SRCIN1: variants seen among roughly 807,000 people sequenced by gnomAD.
SRCIN1 encodes the protein P130Cas-associated protein.
Under a neutral mutation model 116.2 loss-of-function variants are expected in SRCIN1, and 50 were observed. The observed-to-expected ratio is 0.43, with a 90% CI of 0.34 to 0.54. The LOEUF is 0.54. Among genes scored for constraint, SRCIN1 ranks in the 20% least tolerant of loss-of-function variants. The pLI, the probability that SRCIN1 is intolerant of heterozygous loss-of-function variation, is 0.02. For missense variants in SRCIN1, 1,446 were observed against 1,672.0 expected, an observed-to-expected ratio of 0.86 and a Z score of 2.36; for synonymous variants, 736 against 750.0, an observed-to-expected ratio of 0.98 and a Z score of 0.30.
chr17:38,537,540 C>T (rs1404106144), intron 18 of SRCIN1, among the ~76,000 whole-genome samples: 2 of 152,018 alleles, frequency 1.3e-5, no homozygotes, highest in Admixed American at 1.3e-4. Context: ...GCCTGTAATC[C>T]CAGCACTTTG....
In SRCIN1 at chr17:38,563,204, G is replaced by A. The variant is rs12941350; in HGVS notation, c.740+119C>T. 0.07 allele frequency: 81,553 copies of A among 1,162,830 alleles called. 3,193 individuals are homozygous for A. Among genetic ancestry groups the A allele is most frequent in the Middle Eastern group, 0.1 (370 of 3,548 alleles). The allele number at this position is 1,162,830 out of a possible 1,614,324, so 72.0% of individuals were successfully genotyped here. A position where few individuals can be genotyped will look rare whatever the true frequency, so the allele number is the denominator to read the frequency against. On this transcript the variant is annotated intron_variant, in intron 5 of 18. Transcript: ENST00000617146. The surrounding 1 kb of genome is among the most constrained non-coding windows in gnomAD (Gnocchi z 5.8). ...GGGCGGGGCGGTAGGGCTCTGGGAGGGGAGGGGAAAGGCTGAGGTCGGGTC... is the reference window on the plus strand; with the variant it reads ...GGGCGGGGCGGTAGGGCTCTGGGAGAGGAGGGGAAAGGCTGAGGTCGGGTC...
chr17:38,600,071 C>T (rs545356276), intron 1 of SRCIN1, among the ~76,000 whole-genome samples: 1 of 152,312 alleles, frequency 6.6e-6, no homozygotes, highest in South Asian at 2.1e-4. Context: ...CTTCACAATT[C>T]CAGGATCAGA....
Position 38,543,959 on chromosome 17 carries a change from C to A in SRCIN1, c.3281G>T (p.Gly1094Val). The part of the protein sequence containing the change: ...RIIAELESGG[G>V]SVPPMKVVTP... ...CACCACCTTCATGGGTGGTACACTG[C>A]CTCCGCCACTCTGCAGGAAGAGGAA... Residue 1094 changes from glycine to valine, a missense_variant, in exon 18 of 19, where the codon GGC becomes GTC. Around this residue, in one of 5 missense-constraint regions of SRCIN1, gnomAD observed 531 missense variants for 633.9 expected, o/e 0.84. Coordinates refer to ENST00000617146, the MANE Select transcript of SRCIN1 (RefSeq NM_025248.3). 1 of 1,582,032 alleles carries A rather than the reference C, an allele frequency of 6.3e-7. No individual in the cohort carries two copies. The highest frequency in any genetic ancestry group is 1.1e-5 in the South Asian group (1 of 88,438).
At chr17:38,560,232 C>G (rs1204719772) in intron 8 of SRCIN1, 101 bp downstream of exon 8, 2 of 1,419,042 alleles carry the variant, frequency 1.4e-6, no homozygotes, top group East Asian at 2.5e-5. Flanking sequence ...AGGGATTCAC[C>G]CAGGGTCACC....
intron 2 of SRCIN1, among the ~76,000 whole-genome samples, chr17:38,576,266 A>G (rs115121096): frequency 0.016 from 2,439 of 152,028 alleles, 73 homozygotes; most frequent in African/African-American, 0.055. Context: ...ATTGGCCATT[A>G]CTTTACCACA....
intron 1 of SRCIN1, among the ~76,000 whole-genome samples, chr17:38,584,296 TC>T (rs1907990429): frequency 6.6e-6 from 1 of 152,184 alleles, no homozygotes; most frequent in Non-Finnish European, 1.5e-5. Context: ...GGGAGGGGGC[TC>T]AGGGCTTCTC....
At chr17:38,582,933 TG>T (rs575156946) in intron 1 of SRCIN1, among the ~76,000 whole-genome samples, 72 of 152,088 alleles carry the variant, frequency 4.7e-4, no homozygotes, top group Middle Eastern at 3.4e-3. Context: ...ACCAGCCTCC[TG>T]GGGGGGCTCT....
rs528819049 is a variant in SRCIN1 at position 38,593,071 on chromosome 17, A to G, written c.22+12613T>C. Among the ~76,000 whole-genome samples the G allele has an allele frequency of 3.5e-4, 54 of 152,212 alleles. 1 individual carries two copies. Among genetic ancestry groups the G allele is most frequent in the Middle Eastern group, 6.8e-3 (2 of 294 alleles). ...GCTAGTGGGCTTAGTTATGTCCAGA[A>G]CTGGTGATTGTTCAAGAAAGGTTAC... On this transcript the variant is annotated intron_variant, in intron 1 of 18. Transcript: ENST00000617146.
rs866245237 is a variant in SRCIN1 at position 38,562,064 on chromosome 17, C to A, written c.1099G>T (p.Ala367Ser). Reference sequence around the variant, plus strand: ...TTCACGTCGCGCCGCTCCAGGATGGCGCTGGGGCTGGGGCTGACGCCCTGG... The same window carrying A: ...TTCACGTCGCGCCGCTCCAGGATGGAGCTGGGGCTGGGGCTGACGCCCTGG... ...AAQGVSPSPS[A>S]ILERRDVKPD... The change falls in exon 7 of 19, where the codon GCC (alanine) becomes TCC (serine). Residue 367 changes from alanine (A) to serine (S), a missense_variant. This residue lies in a region of SRCIN1 where 239 missense variants were observed against 317.7 expected (regional missense o/e 0.75). Coordinates refer to ENST00000617146, the MANE Select transcript of SRCIN1 (RefSeq NM_025248.3). The surrounding 1 kb of genome is among the most constrained non-coding windows in gnomAD (Gnocchi z 4.2). The A allele has an allele frequency of 1.3e-6, 2 of 1,483,172 alleles. No homozygotes were observed. The highest frequency in any genetic ancestry group is 4.6e-5 in the Admixed American group (2 of 43,416). The allele number at this position is 1,483,172 out of a possible 1,614,324, so 91.9% of individuals were successfully genotyped here.
In SRCIN1 at chr17:38,563,324, G is replaced by T; in HGVS notation, c.739C>A (p.Arg247=). 1 of 1,569,436 alleles carries T rather than the reference G, an allele frequency of 6.4e-7. No homozygotes were observed. Among genetic ancestry groups the T allele is most frequent in the East Asian group, 2.4e-5 (1 of 42,138 alleles). The change falls in exon 5 of 19, where the codon CGG becomes AGG. Residue 247 remains arginine, a splice_region_variant and synonymous_variant. Coordinates refer to ENST00000617146, the MANE Select transcript of SRCIN1 (RefSeq NM_025248.3). The surrounding 1 kb of genome is among the most constrained non-coding windows in gnomAD (Gnocchi z 5.8). ...RNVFYELEDV[R]DIQDRSIIKI... is the part of the protein sequence containing the mutation. Reference sequence around the variant, plus strand: ...AAATCCCCCCCGGTCCACGCCCACCGGACGTCCTCCAGCTCGTAGAAGACG... The same window carrying T: ...AAATCCCCCCCGGTCCACGCCCACCTGACGTCCTCCAGCTCGTAGAAGACG...
intron 3 of SRCIN1, among the ~76,000 whole-genome samples, chr17:38,567,895 C>A (rs899884656): frequency 6.6e-6 from 1 of 152,202 alleles, no homozygotes; most frequent in Non-Finnish European, 1.5e-5. Context: ...AGGCAGCAGT[C>A]TCTCCAGGCT....
At chr17:38,573,142 C>T (rs913555505) in intron 2 of SRCIN1, among the ~76,000 whole-genome samples, 2 of 152,202 alleles carry the variant, frequency 1.3e-5, no homozygotes, top group Non-Finnish European at 1.5e-5. Context: ...CTCTTCACTG[C>T]CCCCATCCCT....
At chr17:38,578,367 C>T in intron 2 of SRCIN1, 123 bp downstream of exon 2, 4 of 1,260,348 alleles carry the variant, frequency 3.2e-6, no homozygotes, top group Non-Finnish European at 4.2e-6. Flanking sequence ...CCCTTCTTCC[C>T]TCTCTGCTCC....
intron 10 of SRCIN1, chr17:38,559,343 T>G: frequency 1.8e-6 from 1 of 547,114 alleles, no homozygotes; most frequent in Non-Finnish European, 3.2e-6. Flanking sequence ...GAGGGCTCAA[T>G]GAGGGGGTCA....
rs1457313378 is a variant in SRCIN1 at position 38,551,169 on chromosome 17, C to T, written c.2948G>A (p.Gly983Glu). The T allele has an allele frequency of 9.0e-6, 14 of 1,556,862 alleles. No homozygotes were observed. Among genetic ancestry groups the T allele is most frequent in the Non-Finnish European group, 1.2e-5 (14 of 1,142,064 alleles). Reference protein sequence around the residue: ...QKAAPRTEPSGRRGSDELTVP... With the variant: ...QKAAPRTEPSERRGSDELTVP... The stretch of plus-strand genomic sequence containing the variant: ...ACTCCCCATACCTGAGCCCCTCCTC[C>T]CACTGGGCTCCGTTCGGGGGGCTGC... Residue 983 changes from glycine to glutamate, a missense_variant, in exon 15 of 19, where the codon GGG becomes GAG. Physicochemically the swap from Gly to Glu is moderately conservative, Grantham distance 98 (BLOSUM62 -2). This residue lies in a region of SRCIN1 where 531 missense variants were observed against 633.9 expected (regional missense o/e 0.84). Transcript: ENST00000617146.
Position 38,552,135 on chromosome 17 carries a change from G to T in SRCIN1, c.2481-3C>A. On this transcript the variant is annotated splice_polypyrimidine_tract_variant and splice_region_variant and intron_variant, in intron 13 of 18. Coordinates refer to ENST00000617146, the MANE Select transcript of SRCIN1 (RefSeq NM_025248.3). The surrounding 1 kb of genome is among the most constrained non-coding windows in gnomAD (Gnocchi z 5.3). ...GCCACACACCCTCATCCACTTGCCT[G>T]GGGTTGGGAGAGTTGGGAGCAGCTG... The T allele has an allele frequency of 6.2e-7, 1 of 1,606,902 alleles. No individual in the cohort carries two copies. The highest frequency in any genetic ancestry group is 1.1e-5 in the South Asian group (1 of 90,414).
At chr17:38,588,963 G>A (rs539634882) in intron 1 of SRCIN1, among the ~76,000 whole-genome samples, 3 of 152,260 alleles carry the variant, frequency 2.0e-5, no homozygotes, top group Admixed American at 6.5e-5. Context: ...CAGCTCCCTC[G>A]GCCGCTAGAA....
chr17:38,543,671 G>T (rs142498321), intron 18 of SRCIN1, among the ~76,000 whole-genome samples, 152 bp downstream of exon 18: 1,909 of 152,322 alleles, frequency 0.013, 22 homozygotes, highest in Non-Finnish European at 0.02. Flanking sequence ...GACGGTTCAG[G>T]GGGTGGGTGG....
chr17:38,548,087 C>A lies in SRCIN1; in HGVS notation c.3270+470G>T, dbSNP rs1307135427. Among the ~76,000 whole-genome samples the A allele has an allele frequency of 4.6e-5, 7 of 152,302 alleles. No homozygotes were observed. In the East Asian group the frequency reaches 5.8e-4, roughly 13 times the overall value. On this transcript the variant is annotated intron_variant, in intron 17 of 18. Transcript: ENST00000617146. The stretch of plus-strand genomic sequence containing the variant: ...GCCCTGGTAGTCCAGGTCTCCCGCA[C>A]TGGAGCTGGGGGTGGCTGAGAACGC...
Sources: gnomAD v4.1 joint callset for allele counts (sites outside exome capture counted in the v4.1 genomes callset) on GRCh38, gnomAD v4.1.1 for gene constraint, gnomAD v4.1.1 regional missense constraint, Gnocchi (gnomAD v3.1) non-coding constraint, MANE v1.5 for transcripts, NCBI Gene and HGNC (gene_info 2026-07-23, HGNC 2026-07-21) for gene names.